Variants in CDC42BPA observed in about 807,000 individuals in gnomAD.
The protein encoded by CDC42BPA is CDC42 binding protein kinase alpha.
CDC42BPA carries 80 observed loss-of-function variants against 223.5 expected under a neutral mutation model. That is an observed-to-expected ratio of 0.36 (90% CI 0.30 to 0.43). CDC42BPA has a LOEUF of 0.43. Among genes scored for constraint, CDC42BPA ranks in the 20% least tolerant of loss-of-function variants. The pLI, the probability that CDC42BPA is intolerant of heterozygous loss-of-function variation, is 1.00. For missense variants in CDC42BPA, 1,743 were observed against 2,099.9 expected (o/e 0.83, Z 3.32); for synonymous variants, 694 against 718.6 (o/e 0.97, Z 0.55).
intron 35 of CDC42BPA, among the ~76,000 whole-genome samples, chr1:227,001,724 T>C (rs1040689665): frequency 1.3e-5 from 2 of 151,914 alleles, no homozygotes; most frequent in Admixed American, 1.3e-4. Context: ...CTGGCCAACA[T>C]GGTGAAACCC....
chr1:227,310,884 G>A (rs1019451050), intron 1 of CDC42BPA, among the ~76,000 whole-genome samples: 31 of 151,276 alleles, frequency 2.0e-4, no homozygotes, highest in Non-Finnish European at 3.5e-4. Context: ...GTAGAGACGC[G>A]GTTTCACCAT....
intron 3 of CDC42BPA, among the ~76,000 whole-genome samples, chr1:227,207,335 C>T (rs1376063715): frequency 7.0e-6 from 1 of 143,150 alleles, no homozygotes; most frequent in African/African-American, 2.6e-5. Flanking sequence ...TTTTTACTGG[C>T]ATATCTTTTT....
At chr1:227,008,135 G>A (rs1266088821) in intron 34 of CDC42BPA, among the ~76,000 whole-genome samples, 1 of 152,172 alleles carries the variant, frequency 6.6e-6, no homozygotes, top group Non-Finnish European at 1.5e-5. Flanking sequence ...GTTAGGTGCT[G>A]AAAGATATTT....
chr1:227,177,260 C>T (rs1174638063), intron 5 of CDC42BPA, among the ~76,000 whole-genome samples: 1 of 151,924 alleles, frequency 6.6e-6, no homozygotes, highest in Non-Finnish European at 1.5e-5. Flanking sequence ...GTGCTTTTTT[C>T]AGCATTTCTT....
chr1:227,104,436 T>A (rs1194254690), intron 14 of CDC42BPA, among the ~76,000 whole-genome samples: 1 of 152,164 alleles, frequency 6.6e-6, no homozygotes, highest in Admixed American at 6.5e-5. Flanking sequence ...AATTTTGTAA[T>A]AACAAATAGA....
At chr1:227,176,768 T>C (rs1208632647) in intron 5 of CDC42BPA, among the ~76,000 whole-genome samples, 2 of 152,160 alleles carry the variant, frequency 1.3e-5, no homozygotes, top group Non-Finnish European at 2.9e-5. Flanking sequence ...AGTATCTTCT[T>C]CAAGAGGAAT....
chr1:227,303,783 T>A (rs545216543), intron 1 of CDC42BPA, among the ~76,000 whole-genome samples: 61 of 152,322 alleles, frequency 4.0e-4, no homozygotes, highest in African/African-American at 1.4e-3. Context: ...TAGTCTCTTC[T>A]ACCACTCTTA....
chr1:227,147,941 G>A (rs1481828191), intron 6 of CDC42BPA, among the ~76,000 whole-genome samples: 1 of 151,920 alleles, frequency 6.6e-6, no homozygotes, highest in East Asian at 1.9e-4. Context: ...ATGAGATGGG[G>A]GGAAAAAGCT....
At chr1:227,067,033 T>C (rs1012213097) in intron 21 of CDC42BPA, among the ~76,000 whole-genome samples, 11 of 152,142 alleles carry the variant, frequency 7.2e-5, no homozygotes, top group African/African-American at 2.7e-4. Context: ...AATAAAAGAT[T>C]TGGCAGCTCT....
chr1:227,108,444 T>C (rs1230257470), intron 14 of CDC42BPA, among the ~76,000 whole-genome samples: 4 of 152,066 alleles, frequency 2.6e-5, no homozygotes, highest in Non-Finnish European at 5.9e-5. Context: ...TCTAGCTCCA[T>C]TCCATTGTGG....
chr1:227,111,253 T>C (rs1686854313), intron 14 of CDC42BPA, among the ~76,000 whole-genome samples: 1 of 152,056 alleles, frequency 6.6e-6, no homozygotes, highest in Admixed American at 6.6e-5. Flanking sequence ...GAAAACAGGA[T>C]GGAAAAAGTT....
intron 10 of CDC42BPA, among the ~76,000 whole-genome samples, chr1:227,135,168 G>C (rs1658234039): frequency 6.6e-6 from 1 of 152,188 alleles, no homozygotes; most frequent in Non-Finnish European, 1.5e-5. Flanking sequence ...AAAAACCACT[G>C]AAGCTTCTGG....
chr1:227,199,044 G>A (rs1308967655), intron 4 of CDC42BPA, among the ~76,000 whole-genome samples: 8 of 152,160 alleles, frequency 5.3e-5, no homozygotes, highest in East Asian at 1.9e-4. Context: ...CACCGCATCC[G>A]GCCTATTTAA....
chr1:227,039,623 C>T (rs1670966191), intron 24 of CDC42BPA, among the ~76,000 whole-genome samples: 1 of 152,112 alleles, frequency 6.6e-6, no homozygotes, highest in South Asian at 2.1e-4. Context: ...GGATCTATGC[C>T]TTTCCCCTAT....
intron 1 of CDC42BPA, among the ~76,000 whole-genome samples, chr1:227,302,879 CATA>C (rs1168066137): frequency 6.6e-6 from 1 of 151,058 alleles, no homozygotes. Flanking sequence ...TTTTAGCTAT[CATA>C]ATAATTTCAA....
At chr1:227,038,165 G>C (rs1454406555) in intron 24 of CDC42BPA, among the ~76,000 whole-genome samples, 1 of 109,762 alleles carries the variant, frequency 9.1e-6, no homozygotes, top group Non-Finnish European at 2.0e-5. Context: ...TCTGGTGATA[G>C]TGATTAAGTC....
At position 227,187,639 on chromosome 1, in the gene CDC42BPA, G is replaced by A. The variant is rs570692736; in HGVS notation, c.599+6147C>T. On this transcript the variant is annotated intron_variant, in intron 5 of 36. Coordinates refer to ENST00000366766, the MANE Select transcript of CDC42BPA (RefSeq NM_001394014.1). ...TTCCTACATCAAACCACAGAGCCAGGAAATTCAAAAAATATCAAGAAGGAT... is the reference window on the plus strand; with the variant it reads ...TTCCTACATCAAACCACAGAGCCAGAAAATTCAAAAAATATCAAGAAGGAT... Among the ~76,000 whole-genome samples the A allele has an allele frequency of 5.4e-4, 72 of 133,716 alleles. No individual in the cohort carries two copies. The South Asian group carries it at 0.013, about 25-fold the overall frequency. 87.7% of individuals were successfully genotyped at this position (133,716 alleles called of 152,430 possible). A position where few individuals can be genotyped will look rare whatever the true frequency, so the allele number is the denominator to read the frequency against.
At chr1:227,163,136 GTGTGTA>G (rs1430215191) in intron 5 of CDC42BPA, among the ~76,000 whole-genome samples, 54 of 74,690 alleles carry the variant, frequency 7.2e-4, no homozygotes, top group East Asian at 5.6e-3. Context: ...AAACATATGT[GTGTGTA>G]TGTTTCCAAA....
At chr1:227,126,670 T>A (rs779077149) in intron 11 of CDC42BPA, among the ~76,000 whole-genome samples, 2 of 152,166 alleles carry the variant, frequency 1.3e-5, no homozygotes, top group Non-Finnish European at 2.9e-5. Context: ...ACAACAGGGA[T>A]GTATGGCTGG....
Sources: allele counts gnomAD v4.1 joint callset (sites outside exome capture counted in the v4.1 genomes callset), GRCh38; gene constraint gnomAD v4.1.1; transcripts MANE v1.5; gene names NCBI Gene and HGNC (gene_info 2026-07-23, HGNC 2026-07-21).